The following SSPN variants were observed in gnomAD, a reference collection of about 807,000 sequenced individuals.
SSPN encodes sarcospan, also known as K-ras oncogene-associated protein.
SSPN carries 15 observed loss-of-function variants against 19.1 expected under a neutral mutation model. The ratio of observed to expected loss-of-function variants is 0.78; its 90% CI spans 0.52 to 1.21. The LOEUF (loss-of-function observed/expected upper bound fraction) is 1.21, where lower values mean the gene tolerates loss of function less well. Ranked by LOEUF, SSPN falls within the 50% of genes most tolerant of loss-of-function variation. The probability of loss-of-function intolerance (pLI) is 0.00; values close to 1 mark genes in which losing one functional copy is unlikely to be tolerated. For synonymous variants in SSPN, 147 were observed against 140.3 expected (o/e 1.05, Z -0.34); for missense variants, 291 against 314.0 (o/e 0.93, Z 0.55).
Position 26,195,641 on chromosome 12 carries a change from G to GCGGGGGCCCCCC in SSPN, c.-31_-30insGGGGGCCCCCCC. 7.2e-6 allele frequency: 8 copies of GCGGGGGCCCCCC among 1,105,394 alleles called. No homozygotes were observed. Among genetic ancestry groups the GCGGGGGCCCCCC allele is most frequent in the Non-Finnish European group, 9.1e-6 (8 of 878,112 alleles). The allele number at this position is 1,105,394 out of a possible 1,614,324, so 68.5% of individuals were successfully genotyped here. ...CTCCAGGGCCCAGGGCGCCGCACAC[G>GCGGGGGCCCCCC]CACCCACCCACCCACCCAGCCTCGC... On this transcript the variant is annotated 5_prime_UTR_variant, in exon 1 of 3. Transcript: ENST00000242729.
chr12:26,124,252 T>TGGGGGGGGGGGGGGGGGCGGGGG, intron 1 of SSPN: 1 of 879,458 alleles, frequency 1.1e-6, no homozygotes, highest in Non-Finnish European at 1.8e-6. Context: ...TACCCTCGTC[T>TGGGGGGGGGGGGGGGGGCGGGGG]GCCCCCCCCG....
intron 1 of SSPN, among the ~76,000 whole-genome samples, chr12:26,148,757 C>T (rs1238565508): frequency 6.6e-6 from 1 of 152,168 alleles, no homozygotes; most frequent in Non-Finnish European, 1.5e-5. Context: ...TTCTAGGTGA[C>T]ATTTCCATTC....
intron 1 of SSPN, among the ~76,000 whole-genome samples, chr12:26,200,120 C>G (rs1477077002): frequency 6.6e-6 from 1 of 152,144 alleles, no homozygotes; most frequent in Non-Finnish European, 1.5e-5. Context: ...AATTTCTTTG[C>G]CTTATTATGC....
At chr12:26,188,182 G>T (rs1045695417) in intron 1 of SSPN, among the ~76,000 whole-genome samples, 1 of 152,150 alleles carries the variant, frequency 6.6e-6, no homozygotes, top group African/African-American at 2.4e-5. Flanking sequence ...CACACAGCTG[G>T]TAAGAATTAG....
At chr12:26,149,485 A>T (rs1462178761) in intron 1 of SSPN, among the ~76,000 whole-genome samples, 1 of 152,212 alleles carries the variant, frequency 6.6e-6, no homozygotes, top group African/African-American at 2.4e-5. Flanking sequence ...CCAGACTTGA[A>T]GCCCAGCTTC....
chr12:26,232,850 G>A lies in SSPN; in HGVS notation c.*1774G>A, dbSNP rs1037080447. 5.1e-5 allele frequency: 20 copies of A among 395,514 alleles called. No individual in the cohort carries two copies. The South Asian group carries it at 7.4e-4, about 15-fold the overall frequency. The allele number at this position is 395,514 out of a possible 1,614,324, so 24.5% of individuals were successfully genotyped here. ...GGAGAGCTTAGAGGATAAGTCTCTG[G>A]AGCAGAATTTATCACACACAAAAGT... On this transcript the variant is annotated 3_prime_UTR_variant, in exon 3 of 3. Transcript: ENST00000242729.
At chr12:26,138,430 A>G (rs1944441144) in intron 1 of SSPN, among the ~76,000 whole-genome samples, 1 of 152,210 alleles carries the variant, frequency 6.6e-6, no homozygotes, top group Non-Finnish European at 1.5e-5. Context: ...AGTATCTTCT[A>G]TGTGCAAGGC....
intron 1 of SSPN, among the ~76,000 whole-genome samples, chr12:26,173,039 C>A (rs925495136): frequency 6.6e-6 from 1 of 152,118 alleles, no homozygotes; most frequent in Admixed American, 6.6e-5. Flanking sequence ...TTTGAGGGCT[C>A]TTTGTTTTGA....
rs747235857 is a variant in SSPN, at chr12:26,195,748, G to A, written c.76G>A (p.Asp26Asn). ...GGCCGCGGACGCCGCTGGGCCCGAC[G>A]ACATGGAGCCGAAGAAGGGCACGGG... The part of the protein sequence containing the change: ...PPAADAAGPD[D>N]MEPKKGTGAP... The change falls in exon 1 of 3, where the codon GAC becomes AAC. Residue 26 changes from aspartate (D) to asparagine (N), a missense_variant. By Grantham distance (23) the Asp-to-Asn change is conservative. Coordinates refer to ENST00000242729, the MANE Select transcript of SSPN (RefSeq NM_005086.5). 2.1e-6 allele frequency: 3 copies of A among 1,458,938 alleles called. No individual in the cohort carries two copies. The highest frequency in any genetic ancestry group is 2.6e-5 in the South Asian group (2 of 77,100). The allele number at this position is 1,458,938 out of a possible 1,614,324, so 90.4% of individuals were successfully genotyped here.
chr12:26,191,646 TA>T (rs1165577362), upstream of SSPN, among the ~76,000 whole-genome samples: 3 of 147,036 alleles, frequency 2.0e-5, no homozygotes, highest in East Asian at 4.0e-4. Flanking sequence ...ATAAAGAAAA[TA>T]AAAAAAATAG....
At chr12:26,214,202 A>G (rs1945022449) in intron 1 of SSPN, among the ~76,000 whole-genome samples, 1 of 152,206 alleles carries the variant, frequency 6.6e-6, no homozygotes, top group Non-Finnish European at 1.5e-5. Context: ...CTCAATGACT[A>G]AGTCACGGTC....
chr12:26,234,268 G>C lies in SSPN; in HGVS notation c.*3192G>C, dbSNP rs1945264009. ...TAGAGTGGTTATTTAAAGACAATCA[G>C]AAATGAACTTAAAAGCTGCCCTGCA... On this transcript the variant is annotated 3_prime_UTR_variant, in exon 3 of 3. Transcript: ENST00000242729. 6.6e-6 allele frequency: 1 copy of C among 152,196 alleles called. No homozygotes were observed. The highest frequency in any genetic ancestry group is 6.5e-5 in the Admixed American group (1 of 15,278). 9.4% of individuals were successfully genotyped at this position (152,196 alleles called of 1,614,324 possible).
chr12:26,200,891 C>T (rs1944871000), intron 1 of SSPN, among the ~76,000 whole-genome samples: 1 of 151,264 alleles, frequency 6.6e-6, no homozygotes, highest in Non-Finnish European at 1.5e-5. Context: ...CCAACTCAAT[C>T]TCCACTGAAT....
At chr12:26,127,676 C>A (rs1944374536) in intron 1 of SSPN, among the ~76,000 whole-genome samples, 1 of 152,128 alleles carries the variant, frequency 6.6e-6, no homozygotes, top group South Asian at 2.1e-4. Flanking sequence ...TCTACCTTTT[C>A]CCTGTTAAAT....
At chr12:26,143,453 G>T (rs1241153345) in intron 1 of SSPN, among the ~76,000 whole-genome samples, 1 of 152,172 alleles carries the variant, frequency 6.6e-6, no homozygotes, top group African/African-American at 2.4e-5. Flanking sequence ...GAGAGGCTAA[G>T]TAACTTGCGC....
chr12:26,170,477 AG>A (rs1944647878), intron 1 of SSPN, among the ~76,000 whole-genome samples: 1 of 152,210 alleles, frequency 6.6e-6, no homozygotes, highest in African/African-American at 2.4e-5. Flanking sequence ...TGCTATTTTA[AG>A]AGTCTTCATG....
intron 1 of SSPN, among the ~76,000 whole-genome samples, chr12:26,127,975 T>C (rs1267637666): frequency 6.6e-6 from 1 of 152,218 alleles, no homozygotes; most frequent in African/African-American, 2.4e-5. Context: ...ATTAAGTCAT[T>C]AATCATTTCC....
rs1250710743 is a variant in SSPN, at chr12:26,213,363, A to G, written c.280-10930A>G. On this transcript the variant is annotated intron_variant, in intron 1 of 2. Transcript: ENST00000242729. ...GATTTTTGAAAAGTGGGTCCTTGCTATGAAAGCAAAATATCATCCTAGAGA... is the reference window on the plus strand; with the variant it reads ...GATTTTTGAAAAGTGGGTCCTTGCTGTGAAAGCAAAATATCATCCTAGAGA... Among the ~76,000 whole-genome samples the G allele has an allele frequency of 3.3e-5, 5 of 152,184 alleles. No homozygotes were observed. In the South Asian group the frequency reaches 8.3e-4, roughly 25 times the overall value.
chr12:26,133,998 T>A (rs1423127862), intron 1 of SSPN, among the ~76,000 whole-genome samples: 1 of 152,154 alleles, frequency 6.6e-6, no homozygotes, highest in Non-Finnish European at 1.5e-5. Context: ...CCAGAGCAAT[T>A]TTTCTGTTCG....
Sources: allele counts gnomAD v4.1 joint callset (sites outside exome capture counted in the v4.1 genomes callset), GRCh38; gene constraint gnomAD v4.1.1; transcripts MANE v1.5; gene names NCBI Gene and HGNC (gene_info 2026-07-23, HGNC 2026-07-21).